The following KCNIP4 variants were observed in gnomAD, a reference collection of about 807,000 sequenced individuals.
KCNIP4 encodes Kv channel-interacting protein 4.
Under a neutral mutation model 34.0 loss-of-function variants are expected in KCNIP4, and 12 were observed. The observed-to-expected ratio is 0.35, with a 90% confidence interval of 0.23 to 0.57. The LOEUF (loss-of-function observed/expected upper bound fraction) is 0.57, where lower values mean the gene tolerates loss of function less well. Ranked by LOEUF, KCNIP4 falls within the 20% of genes least tolerant of loss-of-function variation. The pLI is 0.83. For synonymous variants in KCNIP4, 124 were observed against 102.2 expected, an observed-to-expected ratio of 1.21 and a Z score of -1.29; for missense variants, 238 against 311.7, an observed-to-expected ratio of 0.76 and a Z score of 1.78.
chr4:20,960,956 A>T (rs1048866870), intron 1 of KCNIP4, among the ~76,000 whole-genome samples: 1 of 152,190 alleles, frequency 6.6e-6, no homozygotes, highest in Non-Finnish European at 1.5e-5. Flanking sequence ...GAGTTTTTGC[A>T]GTTTCGAAAA....
At chr4:21,400,856 G>A (rs1723498527) in intron 1 of KCNIP4, among the ~76,000 whole-genome samples, 1 of 152,118 alleles carries the variant, frequency 6.6e-6, no homozygotes, top group Non-Finnish European at 1.5e-5. Flanking sequence ...TTGCAGATCT[G>A]GGACTAGAAA....
At chr4:21,516,354 C>T (rs1734756562) in intron 1 of KCNIP4, among the ~76,000 whole-genome samples, 1 of 152,174 alleles carries the variant, frequency 6.6e-6, no homozygotes. Context: ...AGGTCAGAAA[C>T]TGTCACATGT....
chr4:21,331,259 T>C (rs999523252), intron 1 of KCNIP4, among the ~76,000 whole-genome samples: 3 of 152,160 alleles, frequency 2.0e-5, no homozygotes, highest in African/African-American at 7.2e-5. Flanking sequence ...CAGAGCAATT[T>C]CCTTTAATGC....
intron 1 of KCNIP4, among the ~76,000 whole-genome samples, chr4:21,181,068 AT>A (rs1439876121): frequency 6.6e-6 from 1 of 152,158 alleles, no homozygotes; most frequent in Admixed American, 6.6e-5. Context: ...CAACATGGAC[AT>A]TTACAGGGCA....
chr4:21,054,957 G>A (rs1420542124), intron 1 of KCNIP4, among the ~76,000 whole-genome samples: 4 of 151,950 alleles, frequency 2.6e-5, no homozygotes, highest in Non-Finnish European at 4.4e-5. Context: ...TCTGCTAAAG[G>A]AAATGTTAAG....
chr4:21,102,024 G>T (rs1031055072), intron 1 of KCNIP4, among the ~76,000 whole-genome samples: 3 of 152,238 alleles, frequency 2.0e-5, no homozygotes, highest in African/African-American at 7.2e-5. Flanking sequence ...TAAATCACAA[G>T]AATGAGCCTG....
At chr4:20,863,702 C>G (rs1198764484) in intron 2 of KCNIP4, among the ~76,000 whole-genome samples, 1 of 152,098 alleles carries the variant, frequency 6.6e-6, no homozygotes, top group African/African-American at 2.4e-5. Context: ...AGATCTCTTT[C>G]ACTGTCATGA....
At chr4:20,870,040 T>C (rs1723274216) in intron 2 of KCNIP4, among the ~76,000 whole-genome samples, 1 of 152,182 alleles carries the variant, frequency 6.6e-6, no homozygotes, top group Admixed American at 6.6e-5. Flanking sequence ...ATATCACTTA[T>C]TAAAATGTTC....
chr4:21,945,921 T>G (rs1043516646), intron 1 of KCNIP4, among the ~76,000 whole-genome samples: 1 of 150,980 alleles, frequency 6.6e-6, no homozygotes, highest in African/African-American at 2.4e-5. Context: ...TCTACTTGTA[T>G]GTACTTATGC....
rs574608254 is a variant in KCNIP4, at chr4:21,704,804, G to A, written c.61+243767C>T. ...TTACATTCACTCTGGAAAACAGTCT[G>A]GCGGTGTCTTAAAATTCCGAACATA... On this transcript the variant is annotated intron_variant, in intron 1 of 8. Coordinates refer to ENST00000382152, the MANE Select transcript of KCNIP4 (RefSeq NM_025221.6). 3.7e-4 allele frequency among the ~76,000 whole-genome samples: 57 copies of A among 152,224 alleles called. 1 individual carries two copies. The Middle Eastern group carries it at 0.01, about 27-fold the overall frequency.
At chr4:21,454,041 A>C (rs1460085009) in intron 1 of KCNIP4, among the ~76,000 whole-genome samples, 1 of 151,942 alleles carries the variant, frequency 6.6e-6, no homozygotes, top group Non-Finnish European at 1.5e-5. Flanking sequence ...ACACTCAAAA[A>C]CATTAACTAC....
chr4:20,960,324 G>A (rs375324780), intron 1 of KCNIP4, among the ~76,000 whole-genome samples: 1 of 152,160 alleles, frequency 6.6e-6, no homozygotes, highest in African/African-American at 2.4e-5. Context: ...AAGAAGAGGT[G>A]GATATGGTTG....
intron 1 of KCNIP4, among the ~76,000 whole-genome samples, chr4:20,948,142 T>G (rs1352428467): frequency 6.6e-6 from 1 of 152,188 alleles, no homozygotes; most frequent in Non-Finnish European, 1.5e-5. Flanking sequence ...AGCAGACCAT[T>G]GACTTTTCTG....
chr4:21,296,855 G>A (rs1763868618), intron 1 of KCNIP4, among the ~76,000 whole-genome samples: 1 of 151,804 alleles, frequency 6.6e-6, no homozygotes, highest in Admixed American at 6.6e-5. Flanking sequence ...GAGAGGTAAG[G>A]GCAGACATCT....
At chr4:21,540,847 A>C (rs1737622568) in intron 1 of KCNIP4, among the ~76,000 whole-genome samples, 1 of 151,980 alleles carries the variant, frequency 6.6e-6, no homozygotes, top group African/African-American at 2.4e-5. Context: ...TATTATTTAG[A>C]GTGTTTTAAA....
intron 1 of KCNIP4, among the ~76,000 whole-genome samples, chr4:20,971,439 C>G (rs961305280): frequency 1.3e-5 from 2 of 152,034 alleles, no homozygotes; most frequent in Non-Finnish European, 2.9e-5. Context: ...CTGTTCCAGA[C>G]CACTACAATA....
At chr4:21,897,000 T>C (rs1273685611) in intron 1 of KCNIP4, among the ~76,000 whole-genome samples, 1 of 151,796 alleles carries the variant, frequency 6.6e-6, no homozygotes, top group Non-Finnish European at 1.5e-5. Context: ...AACATGCTTA[T>C]ATTTGTTTAT....
chr4:21,812,343 T>G (rs1211473061), intron 1 of KCNIP4, among the ~76,000 whole-genome samples: 1 of 152,100 alleles, frequency 6.6e-6, no homozygotes, highest in Non-Finnish European at 1.5e-5. Context: ...AATGTAATGG[T>G]GGGAATCCAG....
Position 21,017,300 on chromosome 4 carries a change from T to A in KCNIP4, c.62-134591A>T, listed in dbSNP as rs574803898. ...ACCTATCAACCCATCACCTGGGTAT[T>A]AAGTCCCACATGCATTAGCTATTTA... On this transcript the variant is annotated intron_variant, in intron 1 of 8. Coordinates refer to ENST00000382152, the MANE Select transcript of KCNIP4 (RefSeq NM_025221.6). 1.5e-4 allele frequency among the ~76,000 whole-genome samples: 23 copies of A among 152,300 alleles called. No individual in the cohort carries two copies. In the East Asian group the frequency reaches 4.2e-3, roughly 28 times the overall value.
Sources: allele counts gnomAD v4.1 joint callset (sites outside exome capture counted in the v4.1 genomes callset), GRCh38; gene constraint gnomAD v4.1.1; transcripts MANE v1.5; gene names NCBI Gene and HGNC (gene_info 2026-07-23, HGNC 2026-07-21).